JAKMIP3: variants seen among roughly 807,000 people sequenced by gnomAD.
The protein encoded by JAKMIP3 is janus kinase and microtubule-interacting protein 3.
In JAKMIP3, 58 loss-of-function variants were observed where a neutral mutation model predicts 118.5. The observed-to-expected ratio is 0.49, with a 90% CI of 0.40 to 0.61. JAKMIP3 has a LOEUF of 0.61. Among genes scored for constraint, JAKMIP3 ranks in the 20% least tolerant of loss-of-function variants. JAKMIP3 has a pLI of 0.00. For synonymous variants in JAKMIP3, 486 were observed against 451.2 expected (o/e 1.08, Z -0.98); for missense variants, 950 against 1,109.0 (o/e 0.86, Z 2.04).
chr10:132,097,779 A>G (rs1353189319), intron 1 of JAKMIP3, among the ~76,000 whole-genome samples: 1 of 150,980 alleles, frequency 6.6e-6, no homozygotes, highest in Non-Finnish European at 1.5e-5. Context: ...AGAAAAAGTC[A>G]TGGCACTTCA....
chr10:132,066,238 T>C (rs140166490), intron 1 of JAKMIP3, among the ~76,000 whole-genome samples, 177 bp downstream of exon 1: 2 of 152,358 alleles, frequency 1.3e-5, no homozygotes, highest in African/African-American at 4.8e-5. Flanking sequence ...CAGAGGAAGA[T>C]GCTTCATTTA....
In JAKMIP3 at chr10:132,112,843, T is replaced by A. The variant is rs60854698; in HGVS notation, c.136-4234T>A. ...GCCGCCGCTTCTTGGTCAGCCTGCCTCTGCCTGGCTGCGAATCCCCTCTCT... is the reference window on the plus strand; with the variant it reads ...GCCGCCGCTTCTTGGTCAGCCTGCCACTGCCTGGCTGCGAATCCCCTCTCT... On this transcript the variant is annotated intron_variant, in intron 2 of 23. Coordinates refer to ENST00000684848, the MANE Select transcript of JAKMIP3 (RefSeq NM_001323087.2). This position sits in a 1 kb window ranked among gnomAD's most constrained non-coding sequence, Gnocchi z 4.3. 6.6e-6 allele frequency among the ~76,000 whole-genome samples: 1 copy of A among 152,132 alleles called. No individual in the cohort carries two copies. The highest frequency in any genetic ancestry group is 2.4e-5 in the African/African-American group (1 of 41,390).
intron 4 of JAKMIP3, among the ~76,000 whole-genome samples, 159 bp downstream of exon 4, chr10:132,133,686 TGCTCAGCTCCTCTG>T (rs538019372): frequency 6.6e-5 from 10 of 152,274 alleles, no homozygotes; most frequent in African/African-American, 2.4e-4. Flanking sequence ...TGGCCCTAGG[TGCTCAGCTCCTCTG>T]GCTCTGGTCC....
At chr10:132,180,570 T>C (rs75930420) in intron 23 of JAKMIP3, among the ~76,000 whole-genome samples, 3,763 of 19,872 alleles carry the variant, frequency 0.19, 1,111 homozygotes, top group Admixed American at 0.35. Context: ...TGTGTGTGCG[T>C]GTGTGTGTGC....
In JAKMIP3 at chr10:132,048,667, C is replaced by CTTTTTT. The variant is rs35729418; in HGVS notation, c.-138+11939_-138+11944dup. On this transcript the variant is annotated intron_variant, in intron 1 of 23. Transcript: ENST00000657785. ...AATTCCAGGCTTGACTGTTTCTTTT[C>CTTTTTT]TTTTTTTTTTTTTTTGAGATGGAGT... Among the ~76,000 whole-genome samples the CTTTTTT allele has an allele frequency of 3.7e-3, 484 of 129,752 alleles. 12 individuals are homozygous for CTTTTTT. Among genetic ancestry groups the CTTTTTT allele is most frequent in the East Asian group, 0.016 (69 of 4,188 alleles). 85.1% of individuals were successfully genotyped at this position (129,752 alleles called of 152,430 possible). A position where few individuals can be genotyped will look rare whatever the true frequency, so the allele number is the denominator to read the frequency against.
At chr10:132,068,405 T>C (rs1453551612) in intron 1 of JAKMIP3, among the ~76,000 whole-genome samples, 58 of 152,332 alleles carry the variant, frequency 3.8e-4, no homozygotes, top group Admixed American at 3.8e-3. Context: ...ATTGAATAAG[T>C]TCAGGACACT....
At chr10:132,077,554 C>G (rs2041026912) in intron 1 of JAKMIP3, among the ~76,000 whole-genome samples, 1 of 152,202 alleles carries the variant, frequency 6.6e-6, no homozygotes, top group South Asian at 2.1e-4. Context: ...TCAATGGACT[C>G]CAGGAAAGAC....
At chr10:132,064,508 G>T, upstream of JAKMIP3, among the ~76,000 whole-genome samples, 1 of 152,162 alleles carries the variant, frequency 6.6e-6, no homozygotes, top group South Asian at 2.1e-4. This position sits in a 1 kb window ranked among gnomAD's most constrained non-coding sequence, Gnocchi z 4.4. Flanking sequence ...CCGACCCACC[G>T]TTCCGGGTCT....
intron 23 of JAKMIP3, among the ~76,000 whole-genome samples, chr10:132,177,443 C>T (rs112815288): frequency 2.9e-4 from 44 of 151,086 alleles, no homozygotes; most frequent in Non-Finnish European, 2.1e-4. Flanking sequence ...TGCTCCTGTG[C>T]CCTGGGTAGT....
Position 132,044,277 on chromosome 10 carries a change from C to T in JAKMIP3, c.-138+7539C>T, listed in dbSNP as rs1299837624. ...CTCCTGGTCCAGGCATCGTGGACCT[C>T]CCTGGGGTGAGTAGTCAACACAGAC... On this transcript the variant is annotated intron_variant, in intron 1 of 23. Coordinates refer to the JAKMIP3 transcript ENST00000657785. This position sits in a 1 kb window ranked among gnomAD's most constrained non-coding sequence, Gnocchi z 5.3. Among the ~76,000 whole-genome samples, 2 of 152,214 alleles carry T rather than the reference C, an allele frequency of 1.3e-5. No individual in the cohort carries two copies. Among genetic ancestry groups the T allele is most frequent in the Non-Finnish European group, 2.9e-5 (2 of 68,044 alleles).
chr10:132,061,295 C>A (rs1203288848), upstream of JAKMIP3, among the ~76,000 whole-genome samples: 1 of 151,966 alleles, frequency 6.6e-6, no homozygotes, highest in Non-Finnish European at 1.5e-5. Context: ...CGTGACGGCA[C>A]ACACACACAC....
rs755441895 is a variant in JAKMIP3, at chr10:132,140,414, T to A, written c.1345-37T>A. The A allele has an allele frequency of 2.5e-6, 4 of 1,611,434 alleles. No individual in the cohort carries two copies. The South Asian group carries it at 4.4e-5, about 18-fold the overall frequency. On this transcript the variant is annotated intron_variant, in intron 9 of 23. Coordinates refer to ENST00000684848, the MANE Select transcript of JAKMIP3 (RefSeq NM_001323087.2). ...GCGGGAGGAGGCGGCTGTGCCTGGG[T>A]CTGGTTTGAACTGACACGTCGCATT...
intron 10 of JAKMIP3, among the ~76,000 whole-genome samples, chr10:132,140,960 C>T (rs1381632088): frequency 7.2e-5 from 11 of 152,234 alleles, no homozygotes; most frequent in Admixed American, 7.2e-4. Flanking sequence ...AGTTTGGTCT[C>T]AGTGCCAAGA....
In JAKMIP3 at chr10:132,067,860, G is replaced by A. The variant is rs118022224; in HGVS notation, c.-138+1799G>A. Among the ~76,000 whole-genome samples, 80 of 146,786 alleles carry A rather than the reference G, an allele frequency of 5.5e-4. 2 individuals are homozygous for A. In the East Asian group the frequency reaches 0.017, roughly 31 times the overall value. On this transcript the variant is annotated intron_variant, in intron 1 of 23. Transcript: ENST00000684848. ...GCTTCTGTGTGGACTGTGGGCTTAC[G>A]TGTGGACTGTGGGCTTCCGTGTGGA...
intron 23 of JAKMIP3, 105 bp from the exon 24 acceptor site, chr10:132,182,252 C>T (rs937843178): frequency 7.9e-5 from 12 of 152,330 alleles, no homozygotes; most frequent in African/African-American, 2.7e-4. Flanking sequence ...TGTGCAGAGC[C>T]AGTGCCTGGT....
At chr10:132,094,175 T>C (rs2890118) in intron 1 of JAKMIP3, among the ~76,000 whole-genome samples, 38,396 of 151,962 alleles carry the variant, frequency 0.25, 5,205 homozygotes, top group East Asian at 0.41. Context: ...ATCACTTTTT[T>C]TTATTTCCTT....
intron 23 of JAKMIP3, among the ~76,000 whole-genome samples, chr10:132,175,348 C>T (rs1231348247): frequency 6.6e-6 from 1 of 152,154 alleles, no homozygotes; most frequent in Non-Finnish European, 1.5e-5. Flanking sequence ...ACATCCTTGT[C>T]TCCTTCCACC....
rs1389386915 is a variant in JAKMIP3, at chr10:132,139,066, GTGTA to G, written c.1344+892_1344+895del. 9.1e-4 allele frequency among the ~76,000 whole-genome samples: 137 copies of G among 151,160 alleles called. 1 individual carries two copies. Among genetic ancestry groups the G allele is most frequent in the East Asian group, 6.1e-3 (31 of 5,122 alleles). ...TTATGTTGAGTGTGTGTGTGTGTGT[GTGTA>G]TGTGTATGTGTGTGTGAGTGCGTGT... On this transcript the variant is annotated intron_variant, in intron 9 of 23. Coordinates refer to ENST00000684848, the MANE Select transcript of JAKMIP3 (RefSeq NM_001323087.2).
rs371050150 is a variant in JAKMIP3, at chr10:132,154,630, C to T, written c.2220+640C>T. ...AGTGTCACCACCAAGAGGTTCACCT[C>T]GGGACCCAGCCCAGCAGGCAGGGTC... On this transcript the variant is annotated intron_variant, in intron 19 of 23. Coordinates refer to ENST00000684848, the MANE Select transcript of JAKMIP3 (RefSeq NM_001323087.2). 3.9e-5 allele frequency among the ~76,000 whole-genome samples: 6 copies of T among 152,266 alleles called. No individual in the cohort carries two copies. In the East Asian group the frequency reaches 5.8e-4, roughly 15 times the overall value.
Sources: allele counts gnomAD v4.1 joint callset (sites outside exome capture counted in the v4.1 genomes callset), GRCh38; gene constraint gnomAD v4.1.1; non-coding constraint Gnocchi (gnomAD v3.1); transcripts MANE v1.5; gene names NCBI Gene and HGNC (gene_info 2026-07-23, HGNC 2026-07-21).